Variants in ARHGAP21 observed in about 807,000 individuals in gnomAD.
ARHGAP21 encodes the protein rho GTPase-activating protein 21.
Under a neutral mutation model 164.6 loss-of-function variants are expected in ARHGAP21, and 38 were observed. The ratio of observed to expected loss-of-function variants is 0.23; its 90% CI spans 0.18 to 0.30. The LOEUF is 0.30. ARHGAP21 is among the 10% of genes least tolerant of loss of function. The pLI is 1.00. For synonymous variants in ARHGAP21, 766 were observed against 857.9 expected, an observed-to-expected ratio of 0.89 and a Z score of 1.87; for missense variants, 1,822 against 2,370.7, an observed-to-expected ratio of 0.77 and a Z score of 4.81.
rs763076689 is a variant in ARHGAP21 at position 24,600,888 on chromosome 10, C to A, written c.2890G>T (p.Val964Phe). 6.2e-7 allele frequency: 1 copy of A among 1,613,900 alleles called. No individual in the cohort carries two copies. Among genetic ancestry groups the A allele is most frequent in the Non-Finnish European group, 8.5e-7 (1 of 1,179,786 alleles). ...SIRPWKQMYV[V>F]LRGHSLYLYK... The stretch of plus-strand genomic sequence containing the variant: ...AGGTAAAGTGAATGACCCCGAAGGA[C>A]AACATACATCTGTTTCCATGGCCGA... Residue 964 changes from valine (V) to phenylalanine (F), a missense_variant, in exon 14 of 26, where the codon GTC (valine) becomes TTC (phenylalanine). By Grantham distance (50) the Val-to-Phe change is conservative. Transcript: ENST00000396432.
chr10:24,639,724 C>A (rs1302612358), intron 4 of ARHGAP21, among the ~76,000 whole-genome samples: 2 of 152,080 alleles, frequency 1.3e-5, no homozygotes, highest in Non-Finnish European at 2.9e-5. Context: ...ACAAACTATA[C>A]ACCTGTCTTC....
chr10:24,708,094 A>C (rs1001104462), intron 2 of ARHGAP21, among the ~76,000 whole-genome samples: 6 of 152,232 alleles, frequency 3.9e-5, no homozygotes, highest in Non-Finnish European at 5.9e-5. Context: ...TAGGTTAAAC[A>C]ATGCTGCTGC....
Position 24,613,426 on chromosome 10 carries a change from G to A in ARHGAP21, c.2423-5523C>T, listed in dbSNP as rs142971055. On this transcript the variant is annotated intron_variant, in intron 9 of 25. Coordinates refer to ENST00000396432, the MANE Select transcript of ARHGAP21 (RefSeq NM_020824.4). ...TTTTACAATAATTAAGCTAATTATC[G>A]TAACTGGAATTCAATTTTCTAATTA... Among the ~76,000 whole-genome samples the A allele has an allele frequency of 3.2e-3, 487 of 152,110 alleles. 5 individuals carry two copies. Among genetic ancestry groups the A allele is most frequent in the Non-Finnish European group, 4.3e-3 (292 of 68,006 alleles).
chr10:24,692,970 GAGTGAAAAAAAAACAC>G (rs1007474256), intron 2 of ARHGAP21, among the ~76,000 whole-genome samples: 2 of 151,876 alleles, frequency 1.3e-5, no homozygotes, highest in Admixed American at 6.6e-5. Context: ...AGATAATGCT[GAGTGAAAAAAAAACAC>G]AACAGGTGCA....
At chr10:24,650,628 T>TA (rs1246526064) in intron 4 of ARHGAP21, among the ~76,000 whole-genome samples, 1 of 152,016 alleles carries the variant, frequency 6.6e-6, no homozygotes, top group Non-Finnish European at 1.5e-5. Flanking sequence ...AATAAAAGAT[T>TA]AAACAATAAA....
chr10:24,686,385 C>T (rs1409337132), intron 2 of ARHGAP21, among the ~76,000 whole-genome samples: 7 of 152,064 alleles, frequency 4.6e-5, no homozygotes, highest in South Asian at 4.2e-4. Context: ...GCCGAGATGG[C>T]GCCACACACT....
chr10:24,716,369 G>T (rs1016629677), intron 2 of ARHGAP21, among the ~76,000 whole-genome samples: 3 of 152,206 alleles, frequency 2.0e-5, no homozygotes, highest in Non-Finnish European at 4.4e-5. Context: ...AGCTTCACTC[G>T]GAAGGTGACC....
In ARHGAP21 at chr10:24,619,524, C is replaced by A. The variant is rs1173696760; in HGVS notation, c.2371G>T (p.Ala791Ser). Residue 791 changes from alanine (A) to serine (S), a missense_variant, in exon 9 of 26, where the codon GCC becomes TCC. By Grantham distance (99) the Ala-to-Ser change is moderately conservative (BLOSUM62 1). Around this residue, in one of 5 missense-constraint regions of ARHGAP21, gnomAD observed 1,090 missense variants for 1,378.9 expected, o/e 0.79. Transcript: ENST00000396432. ...TCGCCAGGCGGACTGGTACTCGAGG[C>A]TTTTCTTTCCTCCATTCTTTTTATG... is the stretch of plus-strand genomic sequence containing the variant. ...VHIKRMEERK[A>S]SSTSPPGDSL... 1.2e-6 allele frequency: 2 copies of A among 1,614,110 alleles called. No homozygotes were observed. The highest frequency in any genetic ancestry group is 2.2e-5 in the South Asian group (2 of 91,082).
chr10:24,595,667 A>G lies in ARHGAP21; in HGVS notation c.3712+50T>C, dbSNP rs199903061. On this transcript the variant is annotated intron_variant, in intron 19 of 25. Coordinates refer to ENST00000396432, the MANE Select transcript of ARHGAP21 (RefSeq NM_020824.4). Reference sequence around the variant, plus strand: ...CAATTTAATATTCTATGGTTTTCCAATTGTAACTTGAACCATTTCATCTGG... The same window carrying G: ...CAATTTAATATTCTATGGTTTTCCAGTTGTAACTTGAACCATTTCATCTGG... The G allele has an allele frequency of 6.4e-4, 995 of 1,545,718 alleles. 6 individuals are homozygous for G. The African/African-American group carries it at 9.3e-3, about 14-fold the overall frequency.
Position 24,601,982 on chromosome 10 carries a change from C to A in ARHGAP21, c.2843G>T (p.Gly948Val). Residue 948 changes from glycine (G) to valine (V), a missense_variant, in exon 13 of 26, where the codon GGC becomes GTC. Gly to Val is a moderately radical substitution (Grantham distance 109). This residue lies in a region of ARHGAP21 where 1,090 missense variants were observed against 1,378.9 expected (regional missense o/e 0.79). Coordinates refer to ENST00000396432, the MANE Select transcript of ARHGAP21 (RefSeq NM_020824.4). The stretch of plus-strand genomic sequence containing the variant: ...GTGGCTTAGAAAACACACTACCTTG[C>A]CCTTATCGGTGACAAGGGGTCGGAA... ...LHFRPLVTDK[G>V]KRVGGSIRPW... is the part of the protein sequence containing the mutation. The A allele has an allele frequency of 1.2e-6, 2 of 1,610,816 alleles. No homozygotes were observed. The highest frequency in any genetic ancestry group is 1.7e-6 in the Non-Finnish European group (2 of 1,179,354).
rs1473233790 is a variant in ARHGAP21 at position 24,621,372 on chromosome 10, G to A, written c.526-3C>T. Reference sequence around the variant, plus strand: ...AGGTAGGCATCTTGAGAATATGCCTGTATAGAAATGAGAGGAAGGTGTCAC... The same window carrying A: ...AGGTAGGCATCTTGAGAATATGCCTATATAGAAATGAGAGGAAGGTGTCAC... On this transcript the variant is annotated splice_polypyrimidine_tract_variant and splice_region_variant and intron_variant, in intron 8 of 25. Coordinates refer to ENST00000396432, the MANE Select transcript of ARHGAP21 (RefSeq NM_020824.4). 8 of 1,574,692 alleles carry A rather than the reference G, an allele frequency of 5.1e-6. 1 individual carries two copies. In the East Asian group the frequency reaches 1.6e-4, roughly 31 times the overall value.
chr10:24,585,480 T>C lies in ARHGAP21; in HGVS notation c.4809A>G (p.Arg1603=), dbSNP rs1202324545. The C allele has an allele frequency of 6.2e-7, 1 of 1,614,154 alleles. No homozygotes were observed. The change falls in exon 26 of 26, where the codon CGA becomes CGG. Residue 1603 remains arginine, a synonymous_variant. Transcript: ENST00000396432. ...CCACGGATTGCACCTCAGGGCTCAG[T>C]CGACTGGAGTCCAGGCTAGTCAAGT... is the stretch of plus-strand genomic sequence containing the variant. ...ATYLTSLDSS[R]LSPEVQSVAE... is the part of the protein sequence containing the mutation.
intron 11 of ARHGAP21, among the ~76,000 whole-genome samples, chr10:24,606,687 A>G (rs2077040013): frequency 6.6e-6 from 1 of 152,122 alleles, no homozygotes; most frequent in South Asian, 2.1e-4. Flanking sequence ...CCCGGTCTCT[A>G]CTAAGATACA....
intron 2 of ARHGAP21, among the ~76,000 whole-genome samples, chr10:24,709,861 T>A (rs780156177): frequency 1.1e-4 from 16 of 151,894 alleles, no homozygotes; most frequent in Non-Finnish European, 1.6e-4. Context: ...ACCTGCAAAC[T>A]GAATCCAACC....
rs1459468170 is a variant in ARHGAP21, at chr10:24,601,999, G to C, written c.2826C>G (p.Pro942=). ...AAKEGWLHFR[P]LVTDKGKRVG... ...CTACCTTGCCCTTATCGGTGACAAG[G>C]GGTCGGAAATGAAGCCACCCTTCCT... Residue 942 remains proline (P), a synonymous_variant, in exon 13 of 26, where the codon CCC becomes CCG. Transcript: ENST00000396432. 2 of 1,611,538 alleles carry C rather than the reference G, an allele frequency of 1.2e-6. No homozygotes were observed. The highest frequency in any genetic ancestry group is 1.7e-5 in the Admixed American group (1 of 59,940).
chr10:24,709,926 C>T (rs1844615062), intron 2 of ARHGAP21, among the ~76,000 whole-genome samples: 1 of 152,276 alleles, frequency 6.6e-6, no homozygotes, highest in East Asian at 1.9e-4. Flanking sequence ...CTCAATTCTG[C>T]TCCCAACAAG....
chr10:24,699,992 T>C (rs2132108058), intron 2 of ARHGAP21, among the ~76,000 whole-genome samples: 1 of 152,256 alleles, frequency 6.6e-6, no homozygotes. Flanking sequence ...TTTTTTTTCC[T>C]CCCCTGCTGA....
At position 24,596,993 on chromosome 10, in the gene ARHGAP21, T is replaced by C. The variant is rs576748968; in HGVS notation, c.3335-111A>G. 12 of 1,173,010 alleles carry C rather than the reference T, an allele frequency of 1.0e-5. No individual in the cohort carries two copies. In the African/African-American group the frequency reaches 1.3e-4, roughly 13 times the overall value. The allele number at this position is 1,173,010 out of a possible 1,614,324, so 72.7% of individuals were successfully genotyped here. A position where few individuals can be genotyped will look rare whatever the true frequency, so the allele number is the denominator to read the frequency against. On this transcript the variant is annotated intron_variant, in intron 16 of 25. Transcript: ENST00000396432. ...TTACATAAATCCAAGTCCTGTAATA[T>C]AAATAATACATCCTATATTTAACAA...
chr10:24,678,716 A>G (rs1041504357), intron 2 of ARHGAP21, among the ~76,000 whole-genome samples: 19 of 152,130 alleles, frequency 1.2e-4, no homozygotes, highest in African/African-American at 3.6e-4. Context: ...TTTTGTTTTT[A>G]GAGACAGGGT....
Sources: gnomAD v4.1 joint callset for allele counts (sites outside exome capture counted in the v4.1 genomes callset) on GRCh38, gnomAD v4.1.1 for gene constraint, gnomAD v4.1.1 regional missense constraint, MANE v1.5 for transcripts, NCBI Gene and HGNC (gene_info 2026-07-23, HGNC 2026-07-21) for gene names.